ASXL2: variants seen among roughly 807,000 people sequenced by gnomAD.
ASXL2 encodes the protein putative Polycomb group protein ASXL2.
Under a neutral mutation model 122.0 loss-of-function variants are expected in ASXL2, and 23 were observed. The observed-to-expected ratio is 0.19, with a 90% CI of 0.14 to 0.27. The LOEUF is 0.27. Among genes scored for constraint, ASXL2 ranks in the 10% least tolerant of loss-of-function variants. The probability of loss-of-function intolerance (pLI) is 1.00; values close to 1 mark genes in which losing one functional copy is unlikely to be tolerated. For missense variants in ASXL2, 1,518 were observed against 1,713.8 expected, an observed-to-expected ratio of 0.89 and a Z score of 2.02; for synonymous variants, 650 against 637.0, an observed-to-expected ratio of 1.02 and a Z score of -0.31.
At position 25,877,516 on chromosome 2, in the gene ASXL2, T is replaced by C. The variant is rs565043514; in HGVS notation, c.57+650A>G. Among the ~76,000 whole-genome samples, 7 of 152,200 alleles carry C rather than the reference T, an allele frequency of 4.6e-5. No homozygotes were observed. The East Asian group carries it at 7.7e-4, about 17-fold the overall frequency. On this transcript the variant is annotated intron_variant, in intron 1 of 12. Transcript: ENST00000435504. ...GGTAAACTACACGTCCCACCATGCA[T>C]TGCTGCCTTGTTCAGAGTAGGTCTC...
chr2:25,818,695 CCAA>C (rs1044549838), intron 3 of ASXL2, among the ~76,000 whole-genome samples: 1 of 151,824 alleles, frequency 6.6e-6, no homozygotes, highest in African/African-American at 2.4e-5. Flanking sequence ...CAGTAAAATT[CCAA>C]CAAAAAATAT....
At chr2:25,872,068 C>G (rs965436273) in intron 1 of ASXL2, among the ~76,000 whole-genome samples, 2 of 152,034 alleles carry the variant, frequency 1.3e-5, no homozygotes, top group African/African-American at 4.8e-5. Flanking sequence ...AAGCAGAGAT[C>G]AGAGGAAAAT....
chr2:25,741,179 G>T lies in ASXL2; in HGVS notation c.*850C>A. On this transcript the variant is annotated 3_prime_UTR_variant, in exon 13 of 13. Coordinates refer to ENST00000435504, the MANE Select transcript of ASXL2 (RefSeq NM_018263.6). Reference sequence around the variant, plus strand: ...GTATTTCAAAATTGTTAGTTACCACGAATGACTAAGTGCGGGGATAGGGTA... The same window carrying T: ...GTATTTCAAAATTGTTAGTTACCACTAATGACTAAGTGCGGGGATAGGGTA... The T allele has an allele frequency of 1.4e-5, 3 of 220,756 alleles. No homozygotes were observed. The highest frequency in any genetic ancestry group is 2.7e-5 in the Non-Finnish European group (3 of 110,276). The allele number at this position is 220,756 out of a possible 1,614,324, so 13.7% of individuals were successfully genotyped here.
intron 1 of ASXL2, among the ~76,000 whole-genome samples, chr2:25,854,648 C>A (rs1461406574): frequency 6.6e-6 from 1 of 152,170 alleles, no homozygotes; most frequent in Admixed American, 6.5e-5. Context: ...AAGGCAAGTA[C>A]AGCATATGGC....
chr2:25,765,520 T>C (rs1419397551), intron 8 of ASXL2, among the ~76,000 whole-genome samples: 2 of 152,108 alleles, frequency 1.3e-5, no homozygotes, highest in African/African-American at 2.4e-5. Context: ...TCATTGTGGC[T>C]ATGTTACAAA....
chr2:25,878,245 A>G lies in ASXL2; in HGVS notation c.-23T>C. 1 of 1,612,842 alleles carries G rather than the reference A, an allele frequency of 6.2e-7. No homozygotes were observed. The highest frequency in any genetic ancestry group is 8.5e-7 in the Non-Finnish European group (1 of 1,179,378). ...CATGTCGGGTCTTGAACTGACTGGG[A>G]GGCTCCCGTGTCCGGGCTCCGGCCG... On this transcript the variant is annotated 5_prime_UTR_variant, in exon 1 of 13. Coordinates refer to ENST00000435504, the MANE Select transcript of ASXL2 (RefSeq NM_018263.6).
intron 1 of ASXL2, among the ~76,000 whole-genome samples, chr2:25,873,230 G>A (rs2089977538): frequency 6.6e-6 from 1 of 151,886 alleles, no homozygotes; most frequent in Admixed American, 6.6e-5. Flanking sequence ...TAATCCATGA[G>A]CCAAAAATCT....
At chr2:25,775,300 G>C (rs887842677) in intron 5 of ASXL2, among the ~76,000 whole-genome samples, 1 of 151,950 alleles carries the variant, frequency 6.6e-6, no homozygotes, top group Admixed American at 6.6e-5. Context: ...GCTAATTTTT[G>C]TATTTTTAGT....
chr2:25,742,935 G>T lies in ASXL2; in HGVS notation c.3402C>A (p.Gly1134=), dbSNP rs530281362. The change falls in exon 13 of 13, where the codon GGC becomes GGA. Residue 1134 remains glycine (G), a synonymous_variant. Transcript: ENST00000435504. ...AATGGGTCCTCCTAAAGCTCTCTGA[G>T]CCCCGGCCGTAGGTAGAAATATTCA... ...YLLNISTYGR[G]SESFRRTHSV... 5.0e-5 allele frequency: 81 copies of T among 1,613,980 alleles called. 2 individuals carry two copies. In the South Asian group the frequency reaches 7.2e-4, roughly 14 times the overall value.
At chr2:25,869,821 A>T (rs1271731740) in intron 1 of ASXL2, among the ~76,000 whole-genome samples, 1 of 152,108 alleles carries the variant, frequency 6.6e-6, no homozygotes, top group East Asian at 1.9e-4. Flanking sequence ...GTTTCAAAAA[A>T]AAAAGTGAAA....
Position 25,744,576 on chromosome 2 carries a change from T to C in ASXL2, c.1861-100A>G. On this transcript the variant is annotated intron_variant, in intron 12 of 12. Transcript: ENST00000435504. The surrounding 1 kb of genome is among the most constrained non-coding windows in gnomAD (Gnocchi z 4.7). Reference sequence around the variant, plus strand: ...TCACATTTTAAAAACAGATGAACACTACAGTACCTGTGACAAACATGGGTG... The same window carrying C: ...TCACATTTTAAAAACAGATGAACACCACAGTACCTGTGACAAACATGGGTG... The C allele has an allele frequency of 7.7e-7, 1 of 1,294,364 alleles. No individual in the cohort carries two copies. Among genetic ancestry groups the C allele is most frequent in the Non-Finnish European group, 1.0e-6 (1 of 960,994 alleles). The allele number at this position is 1,294,364 out of a possible 1,614,324, so 80.2% of individuals were successfully genotyped here.
intron 3 of ASXL2, among the ~76,000 whole-genome samples, chr2:25,826,960 G>A (rs1263535174): frequency 6.7e-6 from 1 of 150,190 alleles, no homozygotes; most frequent in Non-Finnish European, 1.5e-5. Context: ...TTGAGTAGCT[G>A]AACCACATGT....
At chr2:25,876,051 A>C (rs1374762974) in intron 1 of ASXL2, among the ~76,000 whole-genome samples, 2 of 152,082 alleles carry the variant, frequency 1.3e-5, no homozygotes, top group East Asian at 1.9e-4. Context: ...ATAACCCCCC[A>C]AAATTAAGAG....
At chr2:25,850,334 CAT>C (rs1179754691) in intron 1 of ASXL2, among the ~76,000 whole-genome samples, 5 of 152,204 alleles carry the variant, frequency 3.3e-5, no homozygotes, top group Non-Finnish European at 7.3e-5. Flanking sequence ...TTGGCTAACA[CAT>C]GTCTTGAAGT....
At chr2:25,859,453 A>C (rs192385226) in intron 1 of ASXL2, among the ~76,000 whole-genome samples, 35 of 152,322 alleles carry the variant, frequency 2.3e-4, no homozygotes, top group Non-Finnish European at 3.8e-4. Context: ...TGGCATTACA[A>C]ATAGGTATAT....
intron 3 of ASXL2, among the ~76,000 whole-genome samples, chr2:25,819,510 A>G (rs1201362322): frequency 1.3e-5 from 2 of 152,206 alleles, no homozygotes; most frequent in Non-Finnish European, 2.9e-5. Flanking sequence ...AAATCATGGA[A>G]TCCAGATATA....
At chr2:25,758,836 A>G (rs2088186653) in intron 9 of ASXL2, among the ~76,000 whole-genome samples, 1 of 151,840 alleles carries the variant, frequency 6.6e-6, no homozygotes, top group Non-Finnish European at 1.5e-5. Context: ...GTCTTTCCAG[A>G]TCTATTTATT....
Position 25,744,479 on chromosome 2 carries a change from G to A in ASXL2, c.1861-3C>T, listed in dbSNP as rs191886646. On this transcript the variant is annotated splice_polypyrimidine_tract_variant and splice_region_variant and intron_variant, in intron 12 of 12. Transcript: ENST00000435504. This position sits in a 1 kb window ranked among gnomAD's most constrained non-coding sequence, Gnocchi z 4.7. ...GGGGAGATTCTGGAGACCGGGATCT[G>A]AAAGAAGTAGAGGGGAAAAAAACAA... 16 of 1,585,678 alleles carry A rather than the reference G, an allele frequency of 1.0e-5. No homozygotes were observed. The Admixed American group carries it at 2.5e-4, about 25-fold the overall frequency.
At chr2:25,848,121 A>G (rs1019134449) in intron 1 of ASXL2, among the ~76,000 whole-genome samples, 17 of 152,228 alleles carry the variant, frequency 1.1e-4, no homozygotes, top group African/African-American at 4.1e-4. Flanking sequence ...AAATATTTCT[A>G]GAGTGTCATT....
Sources: allele counts gnomAD v4.1 joint callset (sites outside exome capture counted in the v4.1 genomes callset), GRCh38; gene constraint gnomAD v4.1.1; non-coding constraint Gnocchi (gnomAD v3.1); transcripts MANE v1.5; gene names NCBI Gene and HGNC (gene_info 2026-07-23, HGNC 2026-07-21).